The following KANSL1 variants were observed in gnomAD, a reference collection of about 807,000 sequenced individuals.
KANSL1 encodes the protein KAT8 regulatory NSL complex subunit 1, also known as MLL1/MLL complex subunit KANSL1.
KANSL1 carries 22 observed loss-of-function variants against 103.6 expected under a neutral mutation model. That is an observed-to-expected ratio of 0.21 (90% confidence interval 0.15 to 0.30). KANSL1 has a LOEUF of 0.30. Ranked by LOEUF, KANSL1 falls within the 10% of genes least tolerant of loss-of-function variation. The pLI is 1.00. For synonymous variants in KANSL1, 600 were observed against 527.6 expected (o/e 1.14, Z -1.88); for missense variants, 1,337 against 1,399.8 (o/e 0.96, Z 0.72).
At chr17:46,044,690 G>C (rs1434199464) in intron 7 of KANSL1, 1 of 152,138 alleles carries the variant, frequency 6.6e-6, no homozygotes, top group Non-Finnish European at 1.5e-5. Flanking sequence ...TTATACCCTA[G>C]TCTCTCCACC....
chr17:46,152,342 G>A (rs1014874954), intron 2 of KANSL1, among the ~76,000 whole-genome samples: 2 of 151,890 alleles, frequency 1.3e-5, no homozygotes, highest in Non-Finnish European at 2.9e-5. Flanking sequence ...ACGTATTTCA[G>A]ACAAACATTC....
At position 46,205,150 on chromosome 17, in the gene KANSL1, G is replaced by C. The variant is rs537500706; in HGVS notation, c.-90+18521C>G. Among the ~76,000 whole-genome samples, 4 of 151,878 alleles carry C rather than the reference G, an allele frequency of 2.6e-5. No homozygotes were observed. In the East Asian group the frequency reaches 7.8e-4, roughly 29 times the overall value. On this transcript the variant is annotated intron_variant, in intron 1 of 14. Transcript: ENST00000572904. ...AGAAAAAGAAATAAAAATCACTCAG[G>C]CTTAAAAAAAAGAAGGAAAACTACC...
chr17:46,067,780 A>G (rs2078434614), intron 4 of KANSL1, 113 bp from the exon 5 acceptor site: 1 of 641,898 alleles, frequency 1.6e-6, no homozygotes, highest in Non-Finnish European at 2.8e-6. Context: ...GATCAATTTG[A>G]AAAACACAAC....
chr17:46,048,734 G>C (rs2077601283), intron 7 of KANSL1, among the ~76,000 whole-genome samples: 1 of 152,062 alleles, frequency 6.6e-6, no homozygotes, highest in African/African-American at 2.4e-5. Context: ...AAATGTCTTT[G>C]CTCATGCACC....
intron 2 of KANSL1, among the ~76,000 whole-genome samples, chr17:46,096,284 A>T: frequency 8.2e-6 from 1 of 122,152 alleles, no homozygotes; most frequent in Non-Finnish European, 1.8e-5. Context: ...TAGGATCAGG[A>T]GCATACTACA....
At chr17:46,147,777 A>G (rs892076961) in intron 2 of KANSL1, among the ~76,000 whole-genome samples, 1 of 152,226 alleles carries the variant, frequency 6.6e-6, no homozygotes, top group African/African-American at 2.4e-5. Context: ...ACATGAGGCA[A>G]CTGCTGTTAA....
chr17:46,165,155 G>A (rs1337897324), intron 2 of KANSL1, among the ~76,000 whole-genome samples: 1 of 152,204 alleles, frequency 6.6e-6, no homozygotes, highest in East Asian at 1.9e-4. Context: ...AAATGACAAA[G>A]CAATTTGATT....
At chr17:46,196,712 G>A, upstream of KANSL1, 2 of 258,758 alleles carry the variant, frequency 7.7e-6, no homozygotes, top group African/African-American at 2.3e-5. Context: ...AATAAATGAA[G>A]TCAAAAAACA....
rs1330864257 is a variant in KANSL1 at position 46,146,078 on chromosome 17, T to C, written c.1289+24777A>G. Among the ~76,000 whole-genome samples, 5 of 152,344 alleles carry C rather than the reference T, an allele frequency of 3.3e-5. No homozygotes were observed. The South Asian group carries it at 1.0e-3, about 32-fold the overall frequency. ...TTACTCATTCTTTTGTTCTCTACTC[T>C]AGCAGCTAAAGACATCTCCTAAAGA... On this transcript the variant is annotated intron_variant, in intron 2 of 14. Transcript: ENST00000432791.
chr17:46,185,109 G>T (rs2046958731), intron 1 of KANSL1, among the ~76,000 whole-genome samples: 1 of 152,188 alleles, frequency 6.6e-6, no homozygotes, highest in Non-Finnish European at 1.5e-5. Flanking sequence ...TTACAGGCAT[G>T]AGCCGCCACG....
intron 4 of KANSL1, among the ~76,000 whole-genome samples, chr17:46,076,537 C>T (rs2078779628): frequency 6.9e-6 from 1 of 144,036 alleles, no homozygotes; most frequent in African/African-American, 2.5e-5. Flanking sequence ...CTTGAAAATA[C>T]TTAACATTTC....
Position 46,039,124 on chromosome 17 carries a change from C to T in KANSL1, c.2295G>A (p.Ala765=), listed in dbSNP as rs1417988024. 5 of 1,612,222 alleles carry T rather than the reference C, an allele frequency of 3.1e-6. No individual in the cohort carries two copies. The highest frequency in any genetic ancestry group is 2.5e-6 in the Non-Finnish European group (3 of 1,179,696). Residue 765 remains alanine, a synonymous_variant, in exon 9 of 15, where the codon GCG becomes GCA. Coordinates refer to ENST00000432791, the MANE Select transcript of KANSL1 (RefSeq NM_015443.4). ...GGTTGAGCAAGCGCTCTGCTTTTGG[C>T]GCTGTCACTCGCTCCACCATGGGCA... is the stretch of plus-strand genomic sequence containing the variant. The part of the protein sequence containing the change: ...GAVPMVERVT[A]PKAERLLNPP...
chr17:46,212,902 G>T (rs1479076323), intron 1 of KANSL1, among the ~76,000 whole-genome samples: 2 of 152,216 alleles, frequency 1.3e-5, no homozygotes, highest in Non-Finnish European at 2.9e-5. Context: ...CATTTAATCT[G>T]CATTCCTTTG....
At chr17:46,042,572 A>G (rs1047461895) in intron 7 of KANSL1, 4 of 152,242 alleles carry the variant, frequency 2.6e-5, no homozygotes, top group African/African-American at 7.2e-5. Flanking sequence ...ACTGATCCAG[A>G]GGATGGAGAG....
At chr17:46,115,674 C>A (rs1215559658) in intron 2 of KANSL1, among the ~76,000 whole-genome samples, 5 of 152,232 alleles carry the variant, frequency 3.3e-5, no homozygotes, top group African/African-American at 1.2e-4. Context: ...TTATAGGATA[C>A]TTTGACTCTA....
At chr17:46,129,618 T>C (rs2147261231) in intron 2 of KANSL1, among the ~76,000 whole-genome samples, 1 of 152,320 alleles carries the variant, frequency 6.6e-6, no homozygotes, top group Non-Finnish European at 1.5e-5. Flanking sequence ...GGAGTGTTTT[T>C]AAAACACAGA....
intron 2 of KANSL1, among the ~76,000 whole-genome samples, chr17:46,122,054 A>T (rs2147194638): frequency 6.6e-6 from 1 of 152,360 alleles, no homozygotes; most frequent in South Asian, 2.1e-4. Flanking sequence ...TTCACACGAT[A>T]ATAAAGTTGA....
intron 1 of KANSL1, among the ~76,000 whole-genome samples, chr17:46,214,033 C>T (rs11871168): frequency 0.029 from 4,452 of 152,266 alleles, 180 homozygotes; most frequent in African/African-American, 0.089. Flanking sequence ...ATTCATTTCC[C>T]TATACTTTAA....
intron 3 of KANSL1, among the ~76,000 whole-genome samples, chr17:46,089,226 C>T (rs2079282519): frequency 6.6e-6 from 1 of 152,094 alleles, no homozygotes; most frequent in South Asian, 2.1e-4. Context: ...AGTACAACAG[C>T]ATGCAGAAGT....
Sources: gnomAD v4.1 joint callset for allele counts (sites outside exome capture counted in the v4.1 genomes callset) on GRCh38, gnomAD v4.1.1 for gene constraint, MANE v1.5 for transcripts, NCBI Gene and HGNC (gene_info 2026-07-23, HGNC 2026-07-21) for gene names.